Variants in IFT74 observed in about 807,000 individuals in gnomAD.
IFT74 encodes intraflagellar transport 74, also known as intraflagellar transport protein 74 homolog.
In IFT74, 92 loss-of-function variants were observed where a neutral mutation model predicts 96.7. That is an observed-to-expected ratio of 0.95 (90% CI 0.80 to 1.13). The LOEUF (loss-of-function observed/expected upper bound fraction) is 1.13, where lower values mean the gene tolerates loss of function less well. Among genes scored for constraint, IFT74 ranks in the 50% most tolerant of loss-of-function variants. The probability of loss-of-function intolerance (pLI) is 0.00; values close to 1 mark genes in which losing one functional copy is unlikely to be tolerated. For synonymous variants in IFT74, 223 were observed against 213.2 expected (o/e 1.05, Z -0.40); for missense variants, 811 against 698.2 (o/e 1.16, Z -1.82).
chr9:26,999,507 A>T, intron 8 of IFT74: 1 of 763,328 alleles, frequency 1.3e-6, no homozygotes. Context: ...TCTTAATTTT[A>T]GTAGGTCAGA....
chr9:27,001,678 G>A (rs1406662827), intron 8 of IFT74, among the ~76,000 whole-genome samples: 1 of 152,000 alleles, frequency 6.6e-6, no homozygotes, highest in Non-Finnish European at 1.5e-5. Flanking sequence ...TTTGTTTTTG[G>A]CTAGTGAGCT....
chr9:26,987,080 C>G (rs749854261), intron 6 of IFT74, among the ~76,000 whole-genome samples: 2 of 151,946 alleles, frequency 1.3e-5, no homozygotes, highest in African/African-American at 4.8e-5. Flanking sequence ...GATGGAGTCT[C>G]GCTCTGTCAT....
At chr9:26,973,747 C>T (rs1294600409) in intron 2 of IFT74, among the ~76,000 whole-genome samples, 7 of 152,152 alleles carry the variant, frequency 4.6e-5, no homozygotes, top group Non-Finnish European at 1.0e-4. Flanking sequence ...CCCAGTTCTT[C>T]TGAAGAGCCA....
chr9:27,019,943 G>C (rs1371147134), intron 12 of IFT74, among the ~76,000 whole-genome samples: 3 of 151,264 alleles, frequency 2.0e-5, no homozygotes, highest in Admixed American at 1.3e-4. Flanking sequence ...TTTACTACCA[G>C]TCACCAGAAA....
At chr9:27,050,857 A>G (rs1819890508) in intron 16 of IFT74, among the ~76,000 whole-genome samples, 1 of 152,112 alleles carries the variant, frequency 6.6e-6, no homozygotes, top group Admixed American at 6.6e-5. Flanking sequence ...CACGTTGTGC[A>G]CATGTACCCT....
At chr9:27,012,202 A>G (rs1829116124) in intron 10 of IFT74, among the ~76,000 whole-genome samples, 1 of 152,206 alleles carries the variant, frequency 6.6e-6, no homozygotes, top group African/African-American at 2.4e-5. Context: ...TACCTAGGAC[A>G]TGCAAAATCC....
chr9:27,044,815 A>T lies in IFT74; in HGVS notation c.1108+20A>T. ...TGGACAGTAAGTGATATTCTTGTAG[A>T]TATAAAAATATAATATTTTCAGATT... On this transcript the variant is annotated intron_variant, in intron 14 of 19. Transcript: ENST00000380062. The T allele has an allele frequency of 7.5e-7, 1 of 1,341,792 alleles. No individual in the cohort carries two copies. The highest frequency in any genetic ancestry group is 2.0e-4 in the Middle Eastern group (1 of 5,080). The allele number at this position is 1,341,792 out of a possible 1,614,324, so 83.1% of individuals were successfully genotyped here.
upstream of IFT74, among the ~76,000 whole-genome samples, chr9:26,954,775 C>A (rs1051324468): frequency 1.3e-4 from 19 of 151,826 alleles, no homozygotes; most frequent in Non-Finnish European, 1.2e-4. Flanking sequence ...AGTAGTCTTA[C>A]AATAAACTTA....
chr9:27,036,749 C>T (rs904772323), intron 13 of IFT74: 15 of 1,198,128 alleles, frequency 1.3e-5, no homozygotes, highest in South Asian at 4.0e-5. Context: ...TAAGAGAGAG[C>T]GTAAAGTGCT....
chr9:26,971,390 C>T (rs1299925749), intron 2 of IFT74, among the ~76,000 whole-genome samples: 1 of 152,288 alleles, frequency 6.6e-6, no homozygotes, highest in Non-Finnish European at 1.5e-5. Context: ...CCACATCGCA[C>T]ATAGCTTGGG....
At chr9:27,020,354 A>AT (rs1000712954) in intron 12 of IFT74, among the ~76,000 whole-genome samples, 40 of 149,402 alleles carry the variant, frequency 2.7e-4, no homozygotes, top group African/African-American at 7.6e-4. Context: ...TAAGAAACTA[A>AT]TTTTTTTTTT....
intron 18 of IFT74, among the ~76,000 whole-genome samples, chr9:27,058,639 C>T (rs964625219): frequency 3.9e-5 from 6 of 152,192 alleles, no homozygotes; most frequent in East Asian, 1.9e-4. Flanking sequence ...CCACCTGCCT[C>T]GGCCTCCCAA....
intron 12 of IFT74, 45 bp downstream of exon 12, chr9:27,018,732 T>C: frequency 8.2e-7 from 1 of 1,212,520 alleles, no homozygotes; most frequent in Non-Finnish European, 1.2e-6. Context: ...TTTCTCACTT[T>C]AAAAATTACA....
intron 4 of IFT74, chr9:26,982,313 G>C: frequency 2.4e-6 from 1 of 410,004 alleles, no homozygotes; most frequent in Non-Finnish European, 4.9e-6. Context: ...ACCCAAGCTG[G>C]AGTGCAATGA....
intron 1 of IFT74, among the ~76,000 whole-genome samples, chr9:26,949,869 G>T (rs969442149): frequency 6.6e-6 from 1 of 152,144 alleles, no homozygotes; most frequent in Non-Finnish European, 1.5e-5. Context: ...TGTGTCTGTT[G>T]GTCTGCCAAA....
intron 4 of IFT74, among the ~76,000 whole-genome samples, chr9:26,983,049 T>C (rs1827457711): frequency 6.6e-6 from 1 of 152,170 alleles, no homozygotes; most frequent in Non-Finnish European, 1.5e-5. Flanking sequence ...CTTCTTTCTC[T>C]TTTATTTCGC....
intron 12 of IFT74, among the ~76,000 whole-genome samples, chr9:27,028,353 A>G (rs1410723837): frequency 6.6e-6 from 1 of 152,180 alleles, no homozygotes; most frequent in Non-Finnish European, 1.5e-5. Context: ...AATATTTTTC[A>G]TTTTCTTAAT....
chr9:27,051,723 A>T (rs1819930568), intron 16 of IFT74, among the ~76,000 whole-genome samples: 1 of 152,210 alleles, frequency 6.6e-6, no homozygotes, highest in African/African-American at 2.4e-5. Context: ...TAATGTCCTT[A>T]AGGTTCATCC....
At chr9:26,948,449 T>A (rs10465057) in intron 1 of IFT74, among the ~76,000 whole-genome samples, 2,379 of 25,410 alleles carry the variant, frequency 0.094, 121 homozygotes, top group East Asian at 0.49. Flanking sequence ...CTTTCCATTA[T>A]TTTTTTTTTT....
Sources: gnomAD v4.1 joint callset for allele counts (sites outside exome capture counted in the v4.1 genomes callset) on GRCh38, gnomAD v4.1.1 for gene constraint, MANE v1.5 for transcripts, NCBI Gene and HGNC (gene_info 2026-07-23, HGNC 2026-07-21) for gene names.